Variants in CCDC148 observed in about 807,000 individuals in gnomAD.
CCDC148 encodes coiled-coil domain-containing protein 148.
A neutral mutation model predicts 85.7 loss-of-function variants in CCDC148; 89 were observed. The ratio of observed to expected loss-of-function variants is 1.04; its 90% CI spans 0.87 to 1.24. The LOEUF (loss-of-function observed/expected upper bound fraction) is 1.24. CCDC148 is among the 50% of genes most tolerant of loss of function. CCDC148 has a pLI of 0.00. For missense variants in CCDC148, 692 were observed against 671.7 expected, an observed-to-expected ratio of 1.03 and a Z score of -0.33; for synonymous variants, 230 against 213.9, an observed-to-expected ratio of 1.08 and a Z score of -0.66.
chr2:158,424,764 T>C (rs1361832569), intron 1 of CCDC148: 5 of 212,318 alleles, frequency 2.4e-5, no homozygotes, highest in East Asian at 2.9e-4. Context: ...TGTGGGTGGA[T>C]TGAGCCCAGA....
At chr2:158,347,129 C>T (rs1683032204) in intron 2 of CCDC148, among the ~76,000 whole-genome samples, 1 of 152,132 alleles carries the variant, frequency 6.6e-6, no homozygotes, top group Non-Finnish European at 1.5e-5. Flanking sequence ...ATGCTTAAAA[C>T]TCATTCCAGC....
At chr2:158,375,346 G>A (rs1213923864) in intron 1 of CCDC148, among the ~76,000 whole-genome samples, 1 of 151,920 alleles carries the variant, frequency 6.6e-6, no homozygotes, top group African/African-American at 2.4e-5. Context: ...AATTTCTTCT[G>A]GCCCCTTTAA....
At chr2:158,333,464 G>T (rs560253582) in intron 7 of CCDC148, among the ~76,000 whole-genome samples, 1 of 152,130 alleles carries the variant, frequency 6.6e-6, no homozygotes, top group Non-Finnish European at 1.5e-5. Flanking sequence ...GAATAAGTAC[G>T]ATGAGATGCT....
At chr2:158,180,128 G>C (rs1175888103) in intron 11 of CCDC148, among the ~76,000 whole-genome samples, 1 of 152,122 alleles carries the variant, frequency 6.6e-6, no homozygotes, top group East Asian at 1.9e-4. Flanking sequence ...GAAAGATTTA[G>C]CTTTCTCTGT....
At chr2:158,334,620 C>T (rs1693326787) in intron 7 of CCDC148, among the ~76,000 whole-genome samples, 1 of 151,984 alleles carries the variant, frequency 6.6e-6, no homozygotes, top group Non-Finnish European at 1.5e-5. Context: ...AGAGACCTAA[C>T]CTTATCTTCC....
intron 9 of CCDC148, among the ~76,000 whole-genome samples, chr2:158,296,891 A>G (rs1022410516): frequency 6.6e-6 from 1 of 152,198 alleles, no homozygotes; most frequent in African/African-American, 2.4e-5. Flanking sequence ...TGTATAGACG[A>G]AATGCCATCT....
At chr2:158,260,805 C>T (rs949746065) in intron 9 of CCDC148, among the ~76,000 whole-genome samples, 7 of 151,842 alleles carry the variant, frequency 4.6e-5, no homozygotes, top group African/African-American at 1.7e-4. Flanking sequence ...ATACAGCTAA[C>T]CAGGGAAGTG....
intron 1 of CCDC148, among the ~76,000 whole-genome samples, chr2:158,394,159 G>A (rs1033333621): frequency 2.0e-5 from 3 of 151,852 alleles, no homozygotes; most frequent in African/African-American, 7.3e-5. Flanking sequence ...ATTTACAGAG[G>A]GTAAAGCTTA....
intron 11 of CCDC148, among the ~76,000 whole-genome samples, chr2:158,195,063 C>T (rs976965073): frequency 6.6e-6 from 1 of 151,896 alleles, no homozygotes; most frequent in African/African-American, 2.4e-5. Flanking sequence ...CTGAGACCCT[C>T]CCTACCCCAG....
At chr2:158,332,962 T>C (rs1177039954) in intron 7 of CCDC148, among the ~76,000 whole-genome samples, 1 of 152,134 alleles carries the variant, frequency 6.6e-6, no homozygotes, top group Non-Finnish European at 1.5e-5. Context: ...TTTATTTTGT[T>C]AATCTTTTCA....
chr2:158,400,001 A>G (rs540983244), intron 1 of CCDC148, among the ~76,000 whole-genome samples: 1 of 152,186 alleles, frequency 6.6e-6, no homozygotes, highest in Non-Finnish European at 1.5e-5. Flanking sequence ...AGGGATGTGA[A>G]GGACCTCTTC....
At chr2:158,221,318 T>G (rs1687173263) in intron 10 of CCDC148, among the ~76,000 whole-genome samples, 2 of 152,126 alleles carry the variant, frequency 1.3e-5, no homozygotes, top group African/African-American at 4.8e-5. Flanking sequence ...GAAAGCAGTG[T>G]TATTAGTAGG....
chr2:158,318,683 T>G (rs1490570138), intron 7 of CCDC148, among the ~76,000 whole-genome samples: 5 of 152,160 alleles, frequency 3.3e-5, no homozygotes, highest in Non-Finnish European at 7.4e-5. Flanking sequence ...GCAAGCCTCT[T>G]AAACCACTCT....
chr2:158,174,189 A>G (rs1666024454), intron 13 of CCDC148, among the ~76,000 whole-genome samples: 1 of 152,098 alleles, frequency 6.6e-6, no homozygotes. Context: ...TAATGCTCAC[A>G]AGGACTTTGT....
chr2:158,419,455 G>C (rs1686663582), intron 1 of CCDC148, among the ~76,000 whole-genome samples: 3 of 152,166 alleles, frequency 2.0e-5, no homozygotes, highest in African/African-American at 7.2e-5. Context: ...AGAAGTAGTA[G>C]GAAGGGTATA....
At chr2:158,364,247 A>G (rs1684100209) in intron 1 of CCDC148, among the ~76,000 whole-genome samples, 3 of 152,244 alleles carry the variant, frequency 2.0e-5, no homozygotes, top group Non-Finnish European at 4.4e-5. Flanking sequence ...AAAGTAATTT[A>G]TAGATTCAAT....
intron 1 of CCDC148, among the ~76,000 whole-genome samples, chr2:158,452,121 A>C (rs1404249489): frequency 6.6e-6 from 1 of 152,236 alleles, no homozygotes; most frequent in Non-Finnish European, 1.5e-5. Flanking sequence ...AAAAACATTT[A>C]ATTACATATG....
At position 158,263,229 on chromosome 2, in the gene CCDC148, T is replaced by A. The variant is rs114847238; in HGVS notation, c.1111-12317A>T. On this transcript the variant is annotated intron_variant, in intron 9 of 13. Coordinates refer to ENST00000283233, the MANE Select transcript of CCDC148 (RefSeq NM_138803.4). ...AGACTCTACTTTAGGGCATGTACTC[T>A]ATGAATGGAGGCCTTGAGAAAGTTA... Among the ~76,000 whole-genome samples the A allele has an allele frequency of 9.1e-3, 1,383 of 152,170 alleles. 10 individuals are homozygous for A. Among genetic ancestry groups the A allele is most frequent in the Non-Finnish European group, 0.013 (915 of 67,982 alleles).
intron 9 of CCDC148, among the ~76,000 whole-genome samples, chr2:158,269,959 C>T (rs1355751543): frequency 2.0e-5 from 3 of 152,136 alleles, no homozygotes; most frequent in Non-Finnish European, 2.9e-5. Flanking sequence ...GTAGAACCTA[C>T]ACTAATATTC....
Sources: allele counts gnomAD v4.1 joint callset (sites outside exome capture counted in the v4.1 genomes callset), GRCh38; gene constraint gnomAD v4.1.1; transcripts MANE v1.5; gene names NCBI Gene and HGNC (gene_info 2026-07-23, HGNC 2026-07-21).